RASSF8: variants seen among roughly 807,000 people sequenced by gnomAD.
The protein encoded by RASSF8 is Ras association domain family member 8.
A neutral mutation model predicts 48.5 loss-of-function variants in RASSF8; 22 were observed. That is an observed-to-expected ratio of 0.45 (90% confidence interval 0.32 to 0.65). The LOEUF (loss-of-function observed/expected upper bound fraction) is 0.65, where lower values mean the gene tolerates loss of function less well. RASSF8 is among the 30% of genes least tolerant of loss of function. RASSF8 has a pLI of 0.03. For missense variants in RASSF8, 418 were observed against 489.2 expected (o/e 0.85, Z 1.37); for synonymous variants, 127 against 171.5 (o/e 0.74, Z 2.03).
intron 3 of RASSF8, 41 bp downstream of exon 3, chr12:26,055,487 C>A: frequency 6.8e-7 from 1 of 1,479,534 alleles, no homozygotes; most frequent in Non-Finnish European, 9.5e-7. Flanking sequence ...GTACATTGTG[C>A]TTTCTTTCGT....
rs1943960502 is a variant in RASSF8 at position 26,069,710 on chromosome 12, G to A, written c.*892G>A. ...TTATAGATACCTGAAAGCTGGGTTG[G>A]TCTACTTCAGGAACATTGCTTTAAG... is the stretch of plus-strand genomic sequence containing the variant. On this transcript the variant is annotated 3_prime_UTR_variant, in exon 6 of 6. Transcript: ENST00000689635. 7.1e-6 allele frequency: 7 copies of A among 985,368 alleles called. No individual in the cohort carries two copies. The highest frequency in any genetic ancestry group is 7.2e-6 in the Non-Finnish European group (6 of 829,920). 61.0% of individuals were successfully genotyped at this position (985,368 alleles called of 1,614,324 possible). A position where few individuals can be genotyped will look rare whatever the true frequency, so the allele number is the denominator to read the frequency against.
At chr12:25,961,864 C>A (rs1055837109) in intron 1 of RASSF8, among the ~76,000 whole-genome samples, 1 of 152,100 alleles carries the variant, frequency 6.6e-6, no homozygotes, top group African/African-American at 2.4e-5. Context: ...TCAGCCCTAG[C>A]AAACCAGTCC....
At chr12:26,020,071 A>G (rs913748427) in intron 2 of RASSF8, 3 of 152,170 alleles carry the variant, frequency 2.0e-5, no homozygotes, top group African/African-American at 7.2e-5. Flanking sequence ...ATATTACTGT[A>G]TATAGCAAAA....
At position 26,055,217 on chromosome 12, in the gene RASSF8, A is replaced by AT. The variant is rs1214450256; in HGVS notation, c.-108-13dup. On this transcript the variant is annotated intron_variant, in intron 2 of 5. Coordinates refer to ENST00000689635, the MANE Select transcript of RASSF8 (RefSeq NM_001394098.1). Reference sequence around the variant, plus strand: ...ATGTTGATTCATTTTATTACAAGTGATTTTTTGCCCTTTTTTAGCTGACTA... The same window carrying AT: ...ATGTTGATTCATTTTATTACAAGTGATTTTTTTGCCCTTTTTTAGCTGACTA... 1 of 703,878 alleles carries AT rather than the reference A, an allele frequency of 1.4e-6. No individual in the cohort carries two copies. Among genetic ancestry groups the AT allele is most frequent in the Non-Finnish European group, 2.6e-6 (1 of 389,980 alleles). 43.6% of individuals were successfully genotyped at this position (703,878 alleles called of 1,614,324 possible).
chr12:25,983,242 CAA>C (rs61155012), intron 1 of RASSF8, among the ~76,000 whole-genome samples: 2 of 151,378 alleles, frequency 1.3e-5, no homozygotes, highest in East Asian at 3.9e-4. Flanking sequence ...ATAAAAATGA[CAA>C]AAAAAATCTG....
At chr12:26,046,711 G>A (rs950427775) in intron 2 of RASSF8, among the ~76,000 whole-genome samples, 4 of 152,078 alleles carry the variant, frequency 2.6e-5, no homozygotes, top group Admixed American at 1.3e-4. Context: ...TCAACATTGC[G>A]TCTTTCACAT....
intron 2 of RASSF8, among the ~76,000 whole-genome samples, chr12:26,003,857 T>TA (rs59803510): frequency 2.0e-5 from 3 of 152,102 alleles, no homozygotes; most frequent in Non-Finnish European, 4.4e-5. Context: ...GTATTTATAG[T>TA]AAAAAATACA....
intron 3 of RASSF8, among the ~76,000 whole-genome samples, chr12:26,059,514 A>G (rs1027892230): frequency 3.9e-5 from 6 of 152,194 alleles, no homozygotes; most frequent in African/African-American, 1.4e-4. Flanking sequence ...CTTCCTAGCA[A>G]TAAACAATGT....
intron 2 of RASSF8, among the ~76,000 whole-genome samples, chr12:26,051,066 G>A (rs576294429): frequency 6.6e-6 from 1 of 152,166 alleles, no homozygotes; most frequent in Non-Finnish European, 1.5e-5. Context: ...TTTAGTTTCT[G>A]TATTCAGCCA....
chr12:26,069,395 G>A lies in RASSF8; in HGVS notation c.*577G>A, dbSNP rs1263676941. On this transcript the variant is annotated 3_prime_UTR_variant, in exon 6 of 6. Coordinates refer to ENST00000689635, the MANE Select transcript of RASSF8 (RefSeq NM_001394098.1). The stretch of plus-strand genomic sequence containing the variant: ...GCATTTGTTTTGTGAAACTGTCCTA[G>A]CCATTGCTTAATTAGGTGAAATAAT... The A allele has an allele frequency of 1.0e-6, 1 of 985,000 alleles. No homozygotes were observed. The highest frequency in any genetic ancestry group is 1.2e-6 in the Non-Finnish European group (1 of 829,672). The allele number at this position is 985,000 out of a possible 1,614,324, so 61.0% of individuals were successfully genotyped here. A position where few individuals can be genotyped will look rare whatever the true frequency, so the allele number is the denominator to read the frequency against.
chr12:25,983,824 G>C (rs10219479), intron 1 of RASSF8, among the ~76,000 whole-genome samples: 17,120 of 152,200 alleles, frequency 0.11, 1,061 homozygotes, highest in Middle Eastern at 0.17. Flanking sequence ...GTACAGTGTA[G>C]ACACCATGCA....
chr12:26,046,674 A>T (rs895086638), intron 2 of RASSF8, among the ~76,000 whole-genome samples: 4 of 3,988 alleles, frequency 1.0e-3, no homozygotes, highest in East Asian at 0.12. Context: ...CATCTCTTTA[A>T]AAAAAAATAG....
chr12:26,069,340 C>G lies in RASSF8; in HGVS notation c.*522C>G. The G allele has an allele frequency of 1.0e-6, 1 of 984,820 alleles. No individual in the cohort carries two copies. Among genetic ancestry groups the G allele is most frequent in the Non-Finnish European group, 1.2e-6 (1 of 829,394 alleles). 61.0% of individuals were successfully genotyped at this position (984,820 alleles called of 1,614,324 possible). A position where few individuals can be genotyped will look rare whatever the true frequency, so the allele number is the denominator to read the frequency against. On this transcript the variant is annotated 3_prime_UTR_variant, in exon 6 of 6. Coordinates refer to ENST00000689635, the MANE Select transcript of RASSF8 (RefSeq NM_001394098.1). ...ACACAAGTGTCCTAGGGTGCTCCAC[C>G]ATCGAAGCTAACTCCACAGGAAGCC...
intron 2 of RASSF8, among the ~76,000 whole-genome samples, chr12:26,046,020 G>A (rs1025126488): frequency 7.9e-5 from 12 of 152,120 alleles, no homozygotes; most frequent in African/African-American, 2.7e-4. Context: ...ATAGATTTGG[G>A]CGATCAGATA....
At chr12:25,998,277 A>G (rs904477687) in intron 2 of RASSF8, among the ~76,000 whole-genome samples, 2 of 152,196 alleles carry the variant, frequency 1.3e-5, no homozygotes, top group African/African-American at 4.8e-5. Context: ...TTACTTTGAG[A>G]AATTTGTATC....
intron 1 of RASSF8, among the ~76,000 whole-genome samples, chr12:25,974,333 G>T (rs1941554251): frequency 6.6e-6 from 1 of 152,128 alleles, no homozygotes; most frequent in Non-Finnish European, 1.5e-5. Flanking sequence ...AGAGAATGGA[G>T]ATTCTGTTTA....
chr12:26,002,395 T>C lies in RASSF8; in HGVS notation c.-109+7265T>C, dbSNP rs540996695. 4.0e-5 allele frequency among the ~76,000 whole-genome samples: 6 copies of C among 151,828 alleles called. No individual in the cohort carries two copies. In the East Asian group the frequency reaches 1.2e-3, roughly 30 times the overall value. ...GTGCAGTGAGCCGAGATTGCGTCACTGCACTCCAGCCTGGGTGAAAGAGCA... is the reference window on the plus strand; with the variant it reads ...GTGCAGTGAGCCGAGATTGCGTCACCGCACTCCAGCCTGGGTGAAAGAGCA... On this transcript the variant is annotated intron_variant, in intron 2 of 5. Transcript: ENST00000689635.
downstream of RASSF8, among the ~76,000 whole-genome samples, chr12:26,075,439 A>G (rs1944063518): frequency 6.6e-6 from 1 of 152,190 alleles, no homozygotes; most frequent in East Asian, 1.9e-4. Context: ...AATGACATGG[A>G]TTTGGAAGAA....
chr12:25,984,051 A>G (rs1941809600), intron 1 of RASSF8, among the ~76,000 whole-genome samples: 1 of 152,136 alleles, frequency 6.6e-6, no homozygotes, highest in African/African-American at 2.4e-5. Context: ...GTTTAAGGAT[A>G]CAATCATGTA....
Sources: gnomAD v4.1 joint callset for allele counts (sites outside exome capture counted in the v4.1 genomes callset) on GRCh38, gnomAD v4.1.1 for gene constraint, MANE v1.5 for transcripts, NCBI Gene and HGNC (gene_info 2026-07-23, HGNC 2026-07-21) for gene names.